CSMD1: variants seen among roughly 807,000 people sequenced by gnomAD.
CSMD1 encodes the protein CUB and Sushi multiple domains 1.
In CSMD1, 213 loss-of-function variants were observed where a neutral mutation model predicts 417.5. That is an observed-to-expected ratio of 0.51 (90% CI 0.46 to 0.57). The LOEUF (loss-of-function observed/expected upper bound fraction) is 0.57, where lower values mean the gene tolerates loss of function less well. CSMD1 is among the 20% of genes least tolerant of loss of function. CSMD1 has a pLI of 0.00. For synonymous variants in CSMD1, 2,862 were observed against 1,736.8 expected (o/e 1.65, Z -16.11); for missense variants, 6,923 against 4,529.7 (o/e 1.53, Z -15.17).
At chr8:4,186,595 A>C (rs1798690466) in intron 3 of CSMD1, among the ~76,000 whole-genome samples, 2 of 152,190 alleles carry the variant, frequency 1.3e-5, no homozygotes, top group South Asian at 2.1e-4. Flanking sequence ...GCTAATGTCA[A>C]ATCAGCCCCT....
chr8:4,329,252 C>G (rs1039230361), intron 3 of CSMD1, among the ~76,000 whole-genome samples: 3 of 152,046 alleles, frequency 2.0e-5, no homozygotes, highest in Admixed American at 2.0e-4. Flanking sequence ...GCACAGAATA[C>G]AAACAAAGAC....
intron 52 of CSMD1, among the ~76,000 whole-genome samples, chr8:3,010,205 A>C (rs907439800): frequency 2.6e-5 from 4 of 152,164 alleles, no homozygotes; most frequent in Non-Finnish European, 5.9e-5. Context: ...GGTTTCTCCT[A>C]CAATAGGAGA....
At chr8:3,853,017 C>T (rs1804022368) in intron 5 of CSMD1, among the ~76,000 whole-genome samples, 1 of 152,158 alleles carries the variant, frequency 6.6e-6, no homozygotes, top group Non-Finnish European at 1.5e-5. Context: ...TCGTCCCCAA[C>T]ATCCAACTAC....
intron 1 of CSMD1, among the ~76,000 whole-genome samples, chr8:4,695,983 G>T (rs1184638998): frequency 1.3e-5 from 2 of 152,202 alleles, no homozygotes; most frequent in Non-Finnish European, 2.9e-5. Context: ...GAGGGAGAAT[G>T]CCTGTGTTTA....
chr8:3,168,185 A>C (rs1446099884), intron 37 of CSMD1, among the ~76,000 whole-genome samples: 2 of 152,230 alleles, frequency 1.3e-5, no homozygotes, highest in Non-Finnish European at 2.9e-5. Context: ...AGAAATCAAA[A>C]TACAGGCGCA....
At chr8:4,693,306 A>G (rs1185593337) in intron 1 of CSMD1, among the ~76,000 whole-genome samples, 2 of 152,214 alleles carry the variant, frequency 1.3e-5, no homozygotes, top group African/African-American at 4.8e-5. Context: ...GAATAGCAAA[A>G]ACATCATAAC....
chr8:4,844,410 T>G lies in CSMD1; in HGVS notation c.85+149922A>C, dbSNP rs1338027626. On this transcript the variant is annotated intron_variant, in intron 1 of 69. Coordinates refer to ENST00000635120, the MANE Select transcript of CSMD1 (RefSeq NM_033225.6). ...AATTAACAGATCTGAATATGGATGCTACAGCTTTCACCCACTCCTTTTATT... is the reference window on the plus strand; with the variant it reads ...AATTAACAGATCTGAATATGGATGCGACAGCTTTCACCCACTCCTTTTATT... Among the ~76,000 whole-genome samples the G allele has an allele frequency of 3.3e-5, 5 of 152,194 alleles. No individual in the cohort carries two copies. In the South Asian group the frequency reaches 1.0e-3, roughly 31 times the overall value.
chr8:3,705,299 G>C (rs906058072), intron 7 of CSMD1, among the ~76,000 whole-genome samples: 1 of 152,170 alleles, frequency 6.6e-6, no homozygotes, highest in Non-Finnish European at 1.5e-5. Context: ...TCTGATTTTT[G>C]TGCCTTGGAG....
chr8:4,864,213 A>T (rs1447921762), intron 1 of CSMD1, among the ~76,000 whole-genome samples: 1 of 151,980 alleles, frequency 6.6e-6, no homozygotes, highest in Non-Finnish European at 1.5e-5. Context: ...CTGAATTTCA[A>T]GTTGCTAGTA....
At chr8:4,292,253 G>T (rs1002713239) in intron 3 of CSMD1, among the ~76,000 whole-genome samples, 1 of 151,980 alleles carries the variant, frequency 6.6e-6, no homozygotes, top group South Asian at 2.1e-4. Flanking sequence ...CGTTGTTGTT[G>T]TTGTTTAGTT....
chr8:4,154,060 G>T (rs34476338), intron 3 of CSMD1, among the ~76,000 whole-genome samples: 46,819 of 152,064 alleles, frequency 0.31, 9,038 homozygotes, highest in Non-Finnish European at 0.41. Context: ...TCCTAAGGAG[G>T]TAATAAATAA....
rs564281777 is a variant in CSMD1, at chr8:3,324,722, A to G, written c.3632-16219T>C. 7.4e-4 allele frequency among the ~76,000 whole-genome samples: 112 copies of G among 152,148 alleles called. 1 individual carries two copies. Among genetic ancestry groups the G allele is most frequent in the Middle Eastern group, 3.4e-3 (1 of 294 alleles). ...TTAAAATAGGCCCACATCTAACCCC[A>G]GAGACCCAGGACGGGGCGTTTCCTT... On this transcript the variant is annotated intron_variant, in intron 23 of 69. Transcript: ENST00000635120.
At chr8:3,682,433 A>C (rs1210785323) in intron 7 of CSMD1, among the ~76,000 whole-genome samples, 1 of 152,210 alleles carries the variant, frequency 6.6e-6, no homozygotes, top group Non-Finnish European at 1.5e-5. Context: ...CAACAGACAC[A>C]TGAAAAAATG....
chr8:4,170,534 C>A (rs763334417), intron 3 of CSMD1, among the ~76,000 whole-genome samples: 1 of 151,712 alleles, frequency 6.6e-6, no homozygotes, highest in Non-Finnish European at 1.5e-5. Flanking sequence ...AGTCTATAGT[C>A]GGAGTATTGG....
At chr8:4,590,227 G>A (rs578035296) in intron 2 of CSMD1, among the ~76,000 whole-genome samples, 19 of 152,104 alleles carry the variant, frequency 1.2e-4, no homozygotes, top group African/African-American at 4.6e-4. Flanking sequence ...TGTGTTACAA[G>A]AGTAGTGTCT....
intron 7 of CSMD1, among the ~76,000 whole-genome samples, chr8:3,705,819 T>C (rs938451643): frequency 6.6e-6 from 1 of 152,136 alleles, no homozygotes; most frequent in Admixed American, 6.5e-5. Context: ...GAAGCAGAAG[T>C]GGAGAGACTC....
chr8:3,113,873 C>G (rs564081881), intron 42 of CSMD1, among the ~76,000 whole-genome samples: 1 of 152,250 alleles, frequency 6.6e-6, no homozygotes, highest in African/African-American at 2.4e-5. Context: ...TGCAATGTGA[C>G]TTTCTGTGAA....
chr8:3,726,688 T>C (rs1025201402), intron 6 of CSMD1, among the ~76,000 whole-genome samples: 3 of 152,168 alleles, frequency 2.0e-5, no homozygotes, highest in Non-Finnish European at 1.5e-5. Context: ...GGTTTGTGAG[T>C]GGTACGAGGT....
At chr8:3,619,997 G>A (rs543157228) in intron 7 of CSMD1, among the ~76,000 whole-genome samples, 13 of 152,178 alleles carry the variant, frequency 8.5e-5, no homozygotes, top group Non-Finnish European at 1.8e-4. Context: ...AGCTACTTGG[G>A]AGGCTGAGAC....
Sources: allele counts gnomAD v4.1 joint callset (sites outside exome capture counted in the v4.1 genomes callset), GRCh38; gene constraint gnomAD v4.1.1; transcripts MANE v1.5; gene names NCBI Gene and HGNC (gene_info 2026-07-23, HGNC 2026-07-21).